EXTL3: variants seen among roughly 807,000 people sequenced by gnomAD.
EXTL3 encodes the protein exostosin like glycosyltransferase 3.
EXTL3 carries 27 observed loss-of-function variants against 69.3 expected under a neutral mutation model. That is an observed-to-expected ratio of 0.39 (90% confidence interval 0.29 to 0.54). The LOEUF is 0.54. EXTL3 is among the 20% of genes least tolerant of loss of function. EXTL3 has a pLI of 0.69. For missense variants in EXTL3, 1,003 were observed against 1,231.8 expected (o/e 0.81, Z 2.78); for synonymous variants, 511 against 499.4 (o/e 1.02, Z -0.31).
At position 28,717,400 on chromosome 8, in the gene EXTL3, T is replaced by G; in HGVS notation, c.1341T>G (p.Cys447Trp). The G allele has an allele frequency of 6.2e-7, 1 of 1,614,156 alleles. No homozygotes were observed. The highest frequency in any genetic ancestry group is 8.5e-7 in the Non-Finnish European group (1 of 1,180,022). ...GDPRLVISSG[C>W]ATRLFEALEV... The stretch of plus-strand genomic sequence containing the variant: ...CTCGCTTGGTTATTTCCTCTGGGTG[T>G]GCAACACGGCTCTTCGAAGCCCTGG... The change falls in exon 3 of 7, where the codon TGT becomes TGG. Residue 447 changes from cysteine to tryptophan, a missense_variant. Around this residue, in one of 2 missense-constraint regions of EXTL3, gnomAD observed 742 missense variants for 815.4 expected, o/e 0.91. Transcript: ENST00000220562. This position sits in a 1 kb window ranked among gnomAD's most constrained non-coding sequence, Gnocchi z 8.3.
rs551584883 is a variant in EXTL3 at position 28,707,175 on chromosome 8, A to G, written c.-570+5516A>G. On this transcript the variant is annotated intron_variant, in intron 1 of 6. Coordinates refer to ENST00000220562, the MANE Select transcript of EXTL3 (RefSeq NM_001440.4). The stretch of plus-strand genomic sequence containing the variant: ...ATATTTTTAATTACAAAAGTAATAC[A>G]TAATGATTGTAAAATGAATTAAGAC... Among the ~76,000 whole-genome samples the G allele has an allele frequency of 2.0e-5, 3 of 152,384 alleles. No individual in the cohort carries two copies. In the East Asian group the frequency reaches 5.8e-4, roughly 29 times the overall value.
At chr8:28,685,234 G>A (rs1807557967) in intron 1 of EXTL3, among the ~76,000 whole-genome samples, 1 of 152,112 alleles carries the variant, frequency 6.6e-6, no homozygotes, top group African/African-American at 2.4e-5. Context: ...ACAGGCGTGA[G>A]CCACCATGCC....
intron 1 of EXTL3, among the ~76,000 whole-genome samples, chr8:28,645,629 T>C (rs977820192): frequency 2.6e-5 from 4 of 152,186 alleles, no homozygotes; most frequent in Non-Finnish European, 4.4e-5. Context: ...ACAATAAACC[T>C]TTATTTTTTA....
rs1426303859 is a variant in EXTL3 at position 28,717,200 on chromosome 8, G to A, written c.1141G>A (p.Ala381Thr). 7.4e-6 allele frequency: 12 copies of A among 1,614,228 alleles called. No homozygotes were observed. Among genetic ancestry groups the A allele is most frequent in the Non-Finnish European group, 1.0e-5 (12 of 1,180,044 alleles). The change falls in exon 3 of 7, where the codon GCC becomes ACC. Residue 381 changes from alanine to threonine, a missense_variant. Physicochemically the swap from Ala to Thr is moderately conservative, Grantham distance 58. Transcript: ENST00000220562. This position sits in a 1 kb window ranked among gnomAD's most constrained non-coding sequence, Gnocchi z 8.3. ...CGCCGACTACGATGACCGGATCATT[G>A]CCACCCTGAAGGCGGTGCAGGACAG... ...PPADYDDRII[A>T]TLKAVQDSKL...
intron 1 of EXTL3, chr8:28,710,208 TG>T: frequency 9.5e-6 from 3 of 316,006 alleles, no homozygotes; most frequent in South Asian, 7.9e-5. Context: ...ATGTCTGTGT[TG>T]CTGACCACTG....
At chr8:28,625,190 T>G (rs1806472697) in intron 1 of EXTL3, among the ~76,000 whole-genome samples, 2 of 152,228 alleles carry the variant, frequency 1.3e-5, no homozygotes, top group Admixed American at 6.5e-5. Flanking sequence ...ACTGGACTCA[T>G]AGCTTTAGCT....
At chr8:28,687,964 G>T (rs1358308165) in intron 1 of EXTL3, among the ~76,000 whole-genome samples, 2 of 151,760 alleles carry the variant, frequency 1.3e-5, no homozygotes, top group African/African-American at 2.4e-5. Context: ...CATATTAGAA[G>T]TGATCACTGG....
intron 6 of EXTL3, among the ~76,000 whole-genome samples, chr8:28,745,477 C>T (rs1194902291): frequency 6.6e-6 from 1 of 152,100 alleles, no homozygotes; most frequent in African/African-American, 2.4e-5. Flanking sequence ...AGTGGTAGGT[C>T]TCATATTAAA....
chr8:28,674,990 G>C (rs1807356457), intron 1 of EXTL3, among the ~76,000 whole-genome samples: 1 of 152,152 alleles, frequency 6.6e-6, no homozygotes. Context: ...CAGTCCAGCA[G>C]CCCCTGAAGA....
chr8:28,744,876 T>C (rs1363202947), intron 6 of EXTL3, among the ~76,000 whole-genome samples: 1 of 151,314 alleles, frequency 6.6e-6, no homozygotes, highest in African/African-American at 2.4e-5. Flanking sequence ...GGCAGGAGAA[T>C]CGCTTGAATC....
intron 1 of EXTL3, among the ~76,000 whole-genome samples, chr8:28,655,170 G>C (rs240912): frequency 0.21 from 31,449 of 152,118 alleles, 3,932 homozygotes; most frequent in Non-Finnish European, 0.28. Flanking sequence ...ACAAAGCCAG[G>C]CCTGCTGGCT....
intron 1 of EXTL3, among the ~76,000 whole-genome samples, chr8:28,636,641 G>T (rs1204473944): frequency 2.0e-5 from 3 of 152,130 alleles, no homozygotes; most frequent in Non-Finnish European, 4.4e-5. Context: ...AATCCTTTCG[G>T]CCACTTTGGG....
chr8:28,667,361 A>C (rs1207782556), intron 1 of EXTL3, among the ~76,000 whole-genome samples: 3 of 152,192 alleles, frequency 2.0e-5, no homozygotes, highest in Admixed American at 2.0e-4. Context: ...CTGGTCAAGA[A>C]GAGCATTCAG....
At chr8:28,620,451 G>A (rs1806395968), upstream of EXTL3, among the ~76,000 whole-genome samples, 1 of 152,166 alleles carries the variant, frequency 6.6e-6, no homozygotes, top group Non-Finnish European at 1.5e-5. Context: ...GAATGGGGAT[G>A]CTGTTTCCCA....
chr8:28,627,357 G>A (rs1238862074), intron 1 of EXTL3, among the ~76,000 whole-genome samples: 1 of 151,950 alleles, frequency 6.6e-6, no homozygotes. Flanking sequence ...TGGCATGGTT[G>A]TGCGTGCATC....
upstream of EXTL3, chr8:28,697,748 C>T (rs1034252056): frequency 6.6e-6 from 1 of 151,668 alleles, no homozygotes; most frequent in African/African-American, 2.4e-5. Flanking sequence ...ACTGCTTGAA[C>T]CCAGAAGGCG....
intron 4 of EXTL3, among the ~76,000 whole-genome samples, chr8:28,733,916 C>T (rs1801594011): frequency 6.6e-6 from 1 of 150,632 alleles, no homozygotes; most frequent in South Asian, 2.1e-4. Context: ...CTCCCGAGTT[C>T]ACGCCATTCT....
At chr8:28,698,534 G>C (rs1800720149), upstream of EXTL3, 1 of 152,240 alleles carries the variant, frequency 6.6e-6, no homozygotes, top group African/African-American at 2.4e-5. Context: ...TGGCAATTAA[G>C]TATCAGAAAG....
intron 1 of EXTL3, among the ~76,000 whole-genome samples, chr8:28,705,898 A>G (rs761982388): frequency 1.1e-4 from 16 of 152,186 alleles, no homozygotes; most frequent in Non-Finnish European, 1.3e-4. Flanking sequence ...TGCAGAAATC[A>G]CCTATAATTT....
Sources: gnomAD v4.1 joint callset for allele counts (sites outside exome capture counted in the v4.1 genomes callset) on GRCh38, gnomAD v4.1.1 for gene constraint, gnomAD v4.1.1 regional missense constraint, Gnocchi (gnomAD v3.1) non-coding constraint, MANE v1.5 for transcripts, NCBI Gene and HGNC (gene_info 2026-07-23, HGNC 2026-07-21) for gene names.